Variants in NUMA1 observed in about 807,000 individuals in gnomAD.
NUMA1 encodes SP-H antigen.
Under a neutral mutation model 237.1 loss-of-function variants are expected in NUMA1, and 62 were observed. That is an observed-to-expected ratio of 0.26 (90% confidence interval 0.21 to 0.32). The LOEUF is 0.32. Among genes scored for constraint, NUMA1 ranks in the 10% least tolerant of loss-of-function variants. NUMA1 has a pLI of 1.00. For synonymous variants in NUMA1, 1,028 were observed against 1,066.1 expected (o/e 0.96, Z 0.70); for missense variants, 2,533 against 2,666.5 (o/e 0.95, Z 1.10).
chr11:72,031,018 A>G (rs1034053221), intron 3 of NUMA1, among the ~76,000 whole-genome samples: 21 of 152,162 alleles, frequency 1.4e-4, no homozygotes, highest in African/African-American at 5.1e-4. Context: ...GGCCAGGTGC[A>G]GTGGCTCACA....
chr11:72,065,326 G>A (rs1332722044), intron 2 of NUMA1: 12 of 151,464 alleles, frequency 7.9e-5, no homozygotes, highest in African/African-American at 2.9e-4. Context: ...AAAATGATTT[G>A]AAAAAAATTC....
At chr11:72,067,570 C>A (rs1378017919) in intron 2 of NUMA1, 1 of 152,162 alleles carries the variant, frequency 6.6e-6, no homozygotes, top group Non-Finnish European at 1.5e-5. Context: ...AATGTCTGAT[C>A]ACCCAGCTGT....
Position 72,014,618 on chromosome 11 carries a change from C to T in NUMA1, c.2885G>A (p.Ser962Asn), listed in dbSNP as rs745656863. Residue 962 changes from serine (S) to asparagine (N), a missense_variant, in exon 15 of 27, where the codon AGC (serine) becomes AAC (asparagine). Physicochemically the swap from Ser to Asn is conservative, Grantham distance 46. Transcript: ENST00000393695. The surrounding 1 kb of genome is among the most constrained non-coding windows in gnomAD (Gnocchi z 4.6). ...CATAGCCTGCAGCGCTGCCTGTGTG[C>T]TGCAGAACTGGCGTCCCTGTTGCTC... is the stretch of plus-strand genomic sequence containing the variant. Reference protein sequence around the residue: ...LEEQQGRQFCSTQAALQAMER... With the variant: ...LEEQQGRQFCNTQAALQAMER... 1.9e-6 allele frequency: 3 copies of T among 1,608,976 alleles called. No homozygotes were observed. The highest frequency in any genetic ancestry group is 1.7e-5 in the Admixed American group (1 of 60,034).
intron 10 of NUMA1, 36 bp downstream of exon 10, chr11:72,018,787 T>C: frequency 1.3e-6 from 2 of 1,594,682 alleles, no homozygotes; most frequent in Non-Finnish European, 1.7e-6. Context: ...TTCCGGCAAG[T>C]CTATTCACAC....
intron 2 of NUMA1, among the ~76,000 whole-genome samples, chr11:72,052,426 T>C (rs542037522): frequency 4.5e-4 from 68 of 152,198 alleles, no homozygotes; most frequent in African/African-American, 1.6e-3. Context: ...CATATTACAG[T>C]TGAACAATGG....
At position 72,014,291 on chromosome 11, in the gene NUMA1, C is replaced by T; in HGVS notation, c.3212G>A (p.Gly1071Asp). 6.2e-7 allele frequency: 1 copy of T among 1,613,958 alleles called. No individual in the cohort carries two copies. Among genetic ancestry groups the T allele is most frequent in the Non-Finnish European group, 8.5e-7 (1 of 1,180,050 alleles). ...GKDQELAKLR[G>D]LEAAQIKELE... ...CTCTTTTATCTGGGCTGCCTCCAGA[C>T]CACGAAGCTTGGCCAACTCCTGGTC... The change falls in exon 15 of 27, where the codon GGT (glycine) becomes GAT (aspartate). Residue 1071 changes from glycine (G) to aspartate (D), a missense_variant. Physicochemically the swap from Gly to Asp is moderately conservative, Grantham distance 94 (BLOSUM62 -1). Coordinates refer to ENST00000393695, the MANE Select transcript of NUMA1 (RefSeq NM_006185.4). The surrounding 1 kb of genome is among the most constrained non-coding windows in gnomAD (Gnocchi z 4.6).
At chr11:72,039,628 C>G (rs1444812051) in intron 2 of NUMA1, 2 of 152,294 alleles carry the variant, frequency 1.3e-5, no homozygotes, top group Admixed American at 1.3e-4. Context: ...AACCCCACCC[C>G]CTTCTCCACC....
At position 72,014,522 on chromosome 11, in the gene NUMA1, T is replaced by C. The variant is rs780918431; in HGVS notation, c.2981A>G (p.Gln994Arg). 3 of 1,601,842 alleles carry C rather than the reference T, an allele frequency of 1.9e-6. No individual in the cohort carries two copies. Among genetic ancestry groups the C allele is most frequent in the East Asian group, 4.5e-5 (2 of 44,888 alleles). The change falls in exon 15 of 27, where the codon CAG becomes CGG. Residue 994 changes from glutamine (Q) to arginine (R), a missense_variant. Coordinates refer to ENST00000393695, the MANE Select transcript of NUMA1 (RefSeq NM_006185.4). The surrounding 1 kb of genome is among the most constrained non-coding windows in gnomAD (Gnocchi z 4.6). Reference protein sequence around the residue: ...LRAALMESQGQQQEERGQQER... With the variant: ...LRAALMESQGRQQEERGQQER... ...CTGCTGCCCACGCTCCTCCTGCTGC[T>C]GCCCCTGGCTCTCCATCAGCGCGGC...
intron 8 of NUMA1, chr11:72,020,908 C>T (rs902987061): frequency 9.6e-5 from 26 of 270,340 alleles, no homozygotes; most frequent in African/African-American, 5.6e-4. Context: ...AGACTGTATT[C>T]TCAGCTTCTA....
chr11:72,047,088 C>G (rs916561704), intron 2 of NUMA1, among the ~76,000 whole-genome samples: 1 of 152,048 alleles, frequency 6.6e-6, no homozygotes, highest in African/African-American at 2.4e-5. Flanking sequence ...GTCAGGTGAT[C>G]CTCCTGCCTC....
At chr11:72,019,301 G>A (rs1938392318) in intron 9 of NUMA1, among the ~76,000 whole-genome samples, 193 bp downstream of exon 9, 1 of 152,164 alleles carries the variant, frequency 6.6e-6, no homozygotes, top group African/African-American at 2.4e-5. Flanking sequence ...CAGCTTTTGA[G>A]GGAGGCCTTC....
chr11:72,074,438 T>C (rs866246559), intron 1 of NUMA1, among the ~76,000 whole-genome samples: 3 of 152,134 alleles, frequency 2.0e-5, no homozygotes, highest in Non-Finnish European at 4.4e-5. Context: ...ATGTTACCTA[T>C]TGCTATTACT....
chr11:72,036,965 A>G (rs914318724), intron 2 of NUMA1, among the ~76,000 whole-genome samples: 2 of 152,210 alleles, frequency 1.3e-5, no homozygotes, highest in Non-Finnish European at 2.9e-5. Flanking sequence ...AAGAGTGGTA[A>G]GAGCCACATC....
At chr11:72,062,271 G>A (rs911592660) in intron 2 of NUMA1, among the ~76,000 whole-genome samples, 2 of 151,796 alleles carry the variant, frequency 1.3e-5, no homozygotes, top group Non-Finnish European at 2.9e-5. Context: ...GGTCATTTAG[G>A]TAATATCAGT....
chr11:72,055,203 T>C (rs1028646227), intron 2 of NUMA1, among the ~76,000 whole-genome samples: 12 of 152,188 alleles, frequency 7.9e-5, no homozygotes, highest in African/African-American at 2.7e-4. Flanking sequence ...TATTTGTGTA[T>C]GGCTCTTTAC....
intron 20 of NUMA1, 87 bp downstream of exon 20, chr11:72,008,601 T>TC (rs1276199427): frequency 3.6e-6 from 5 of 1,396,152 alleles, no homozygotes; most frequent in Non-Finnish European, 4.1e-6. Flanking sequence ...TAAATTTAGA[T>TC]CACATCTTAT....
At chr11:72,047,125 G>GCA (rs1942046515) in intron 2 of NUMA1, among the ~76,000 whole-genome samples, 1 of 152,052 alleles carries the variant, frequency 6.6e-6, no homozygotes, top group Non-Finnish European at 1.5e-5. Context: ...GGGACTACAT[G>GCA]CACATGCCAT....
chr11:72,047,838 T>G (rs1199074971), intron 2 of NUMA1: 1 of 152,186 alleles, frequency 6.6e-6, no homozygotes, highest in Non-Finnish European at 1.5e-5. Flanking sequence ...TGGGCAGTTT[T>G]GTTTATTTTA....
At chr11:72,075,243 C>T in intron 1 of NUMA1, among the ~76,000 whole-genome samples, 1 of 152,204 alleles carries the variant, frequency 6.6e-6, no homozygotes, top group Admixed American at 6.5e-5. Flanking sequence ...GATGCTGGGG[C>T]CTGGACTCCA....
Sources: gnomAD v4.1 joint callset for allele counts (sites outside exome capture counted in the v4.1 genomes callset) on GRCh38, gnomAD v4.1.1 for gene constraint, Gnocchi (gnomAD v3.1) non-coding constraint, MANE v1.5 for transcripts, NCBI Gene and HGNC (gene_info 2026-07-23, HGNC 2026-07-21) for gene names.